ELAVL2: variants seen among roughly 807,000 people sequenced by gnomAD.
The protein encoded by ELAVL2 is ELAV like RNA binding protein 2, also known as ELAV-like protein 2.
A neutral mutation model predicts 34.6 loss-of-function variants in ELAVL2; 4 were observed. The observed-to-expected ratio is 0.12, with a 90% confidence interval of 0.06 to 0.26. ELAVL2 has a LOEUF of 0.26. Among genes scored for constraint, ELAVL2 ranks in the 10% least tolerant of loss-of-function variants. The pLI is 1.00. For synonymous variants in ELAVL2, 193 were observed against 154.8 expected, an observed-to-expected ratio of 1.25 and a Z score of -1.83; for missense variants, 432 against 442.8, an observed-to-expected ratio of 0.98 and a Z score of 0.22.
intron 1 of ELAVL2, among the ~76,000 whole-genome samples, chr9:23,769,543 T>C (rs542335868): frequency 5.0e-4 from 76 of 152,360 alleles, no homozygotes; most frequent in African/African-American, 1.8e-3. Flanking sequence ...TCTTTAACTC[T>C]CTTTGCTTTG....
intron 4 of ELAVL2, among the ~76,000 whole-genome samples, chr9:23,703,150 G>A (rs1267250341): frequency 1.3e-5 from 2 of 151,970 alleles, no homozygotes; most frequent in African/African-American, 4.8e-5. Flanking sequence ...GCAGGTGCGG[G>A]ACATACTTGA....
At chr9:23,830,154 C>G (rs964931286), upstream of ELAVL2, 2 of 152,138 alleles carry the variant, frequency 1.3e-5, no homozygotes, top group Admixed American at 6.5e-5. Context: ...GTTTTTAATC[C>G]TCGAATATCC....
intron 2 of ELAVL2, among the ~76,000 whole-genome samples, 163 bp downstream of exon 2, chr9:23,761,840 AAAG>A (rs1238265178): frequency 4.6e-5 from 7 of 152,124 alleles, no homozygotes. Flanking sequence ...TATGATTTAA[AAAG>A]AAAATTTTAA....
intron 1 of ELAVL2, among the ~76,000 whole-genome samples, chr9:23,822,447 C>A (rs1171694411): frequency 6.6e-6 from 1 of 152,160 alleles, no homozygotes; most frequent in Non-Finnish European, 1.5e-5. Flanking sequence ...TAGCCGCATC[C>A]TTCTATCGCC....
chr9:23,704,390 G>T (rs1175065773), intron 4 of ELAVL2, among the ~76,000 whole-genome samples: 1 of 152,024 alleles, frequency 6.6e-6, no homozygotes, highest in Admixed American at 6.6e-5. Context: ...TTTCAGTTGG[G>T]CTAACAGTGA....
At chr9:23,757,502 T>G (rs183377772) in intron 2 of ELAVL2, among the ~76,000 whole-genome samples, 1 of 151,852 alleles carries the variant, frequency 6.6e-6, no homozygotes, top group Non-Finnish European at 1.5e-5. Context: ...TTGGTTAAGG[T>G]CACCTCTAGG....
intron 1 of ELAVL2, among the ~76,000 whole-genome samples, chr9:23,803,646 T>G (rs1178523249): frequency 6.6e-6 from 1 of 152,148 alleles, no homozygotes; most frequent in African/African-American, 2.4e-5. Context: ...TGGATTTCAG[T>G]GTCCTCTAGA....
At chr9:23,705,148 C>T (rs1053814298) in intron 3 of ELAVL2, 77 bp from the exon 4 acceptor site, 32 of 1,546,250 alleles carry the variant, frequency 2.1e-5, no homozygotes, top group Non-Finnish European at 2.4e-5. Flanking sequence ...AAAACTGCCT[C>T]GGTAACTTTC....
intron 2 of ELAVL2, among the ~76,000 whole-genome samples, chr9:23,758,696 A>G (rs10966071): frequency 6.6e-6 from 1 of 151,976 alleles, no homozygotes; most frequent in Non-Finnish European, 1.5e-5. Context: ...TGTCAGGGAG[A>G]GATACTCACT....
At chr9:23,714,665 T>C (rs2041851658) in intron 3 of ELAVL2, among the ~76,000 whole-genome samples, 2 of 152,198 alleles carry the variant, frequency 1.3e-5, no homozygotes, top group African/African-American at 4.8e-5. Context: ...TTCTTTTGGA[T>C]AGACAGTAGT....
chr9:23,771,883 T>A (rs771561994), intron 1 of ELAVL2, among the ~76,000 whole-genome samples: 21 of 152,208 alleles, frequency 1.4e-4, no homozygotes, highest in Non-Finnish European at 2.5e-4. Flanking sequence ...CTGTCTTGGT[T>A]ATAGGCTGGA....
intron 3 of ELAVL2, among the ~76,000 whole-genome samples, chr9:23,717,806 T>C (rs1007274746): frequency 2.6e-5 from 4 of 152,212 alleles, no homozygotes; most frequent in African/African-American, 9.6e-5. Context: ...CTTATTTTAA[T>C]GCTGTTCAAA....
chr9:23,754,628 A>G (rs2053086189), intron 2 of ELAVL2, among the ~76,000 whole-genome samples: 1 of 151,780 alleles, frequency 6.6e-6, no homozygotes, highest in Non-Finnish European at 1.5e-5. Context: ...CACCTGGCTA[A>G]TTTTTCTATT....
chr9:23,847,321 T>C, the ELAVL2 span: 1 of 152,056 alleles, frequency 6.6e-6, no homozygotes, highest in Non-Finnish European at 1.5e-5. Context: ...AAACCTGCAA[T>C]GTACCCATTA....
intron 3 of ELAVL2, among the ~76,000 whole-genome samples, chr9:23,711,705 T>G (rs2133697378): frequency 6.6e-6 from 1 of 152,288 alleles, no homozygotes; most frequent in East Asian, 1.9e-4. Context: ...ATGCCTTGTT[T>G]TCTTAAATAC....
chr9:23,761,943 T>C (rs914615879), intron 2 of ELAVL2, 63 bp downstream of exon 2: 4 of 1,501,256 alleles, frequency 2.7e-6, no homozygotes, highest in South Asian at 1.4e-5. Flanking sequence ...AGTAATCTTA[T>C]TATTTTCTCC....
chr9:23,759,708 A>C (rs1425984091), intron 2 of ELAVL2, among the ~76,000 whole-genome samples: 1 of 144,878 alleles, frequency 6.9e-6, no homozygotes, highest in Non-Finnish European at 1.5e-5. Context: ...TATACTATAT[A>C]TAGTAGTGTA....
At chr9:23,738,813 G>T (rs917632837) in intron 2 of ELAVL2, among the ~76,000 whole-genome samples, 2 of 152,142 alleles carry the variant, frequency 1.3e-5, no homozygotes, top group Admixed American at 6.5e-5. Context: ...AGCGGTTAAT[G>T]TCCTCAGCAC....
chr9:23,786,802 A>AAAAAAAAAAC (rs1554747169), intron 1 of ELAVL2, among the ~76,000 whole-genome samples: 4 of 127,328 alleles, frequency 3.1e-5, no homozygotes, highest in Non-Finnish European at 4.9e-5. Context: ...AAAAAAAAAA[A>AAAAAAAAAAC]AGAGAGAGAG....
Sources: gnomAD v4.1 joint callset for allele counts (sites outside exome capture counted in the v4.1 genomes callset) on GRCh38, gnomAD v4.1.1 for gene constraint, MANE v1.5 for transcripts, NCBI Gene and HGNC (gene_info 2026-07-23, HGNC 2026-07-21) for gene names.